The following LMO7 variants were observed in gnomAD, a reference collection of about 807,000 sequenced individuals.
LMO7 encodes LIM domain only protein 7.
Under a neutral mutation model 206.5 loss-of-function variants are expected in LMO7, and 120 were observed. The ratio of observed to expected loss-of-function variants is 0.58; its 90% CI spans 0.50 to 0.68. The LOEUF (loss-of-function observed/expected upper bound fraction) is 0.68, where lower values mean the gene tolerates loss of function less well. Among genes scored for constraint, LMO7 ranks in the 30% least tolerant of loss-of-function variants. LMO7 has a pLI of 0.00. For missense variants in LMO7, 1,959 were observed against 1,957.9 expected (o/e 1.00, Z -0.01); for synonymous variants, 706 against 681.5 (o/e 1.04, Z -0.56).
At chr13:75,856,777 C>T (rs957365127) in intron 30 of LMO7, 169 bp downstream of exon 30, 19 of 550,480 alleles carry the variant, frequency 3.5e-5, no homozygotes, top group Non-Finnish European at 5.3e-5. Context: ...GTGAATGGGT[C>T]ACTGCTCAGG....
chr13:75,782,328 G>A (rs1010897879), intron 4 of LMO7, among the ~76,000 whole-genome samples: 1 of 152,168 alleles, frequency 6.6e-6, no homozygotes, highest in East Asian at 1.9e-4. Flanking sequence ...ATCCTCATAT[G>A]CTGTGAATAG....
chr13:75,684,840 T>C (rs375445825), intron 1 of LMO7, among the ~76,000 whole-genome samples: 1 of 151,258 alleles, frequency 6.6e-6, no homozygotes, highest in Non-Finnish European at 1.5e-5. Context: ...CACACGCACA[T>C]ACACACACAC....
chr13:75,819,527 G>T lies in LMO7; in HGVS notation c.2199G>T (p.Leu733=). Residue 733 remains leucine, a synonymous_variant, in exon 13 of 31, where the codon CTG becomes CTT. Coordinates refer to ENST00000377534, the MANE Select transcript of LMO7 (RefSeq NM_001306080.2). Reference sequence around the variant, plus strand: ...GCTCTAAGACGTTTAAGGAAATGCTGCAGGACAGGTAATAATGCTGAATGC... The same window carrying T: ...GCTCTAAGACGTTTAAGGAAATGCTTCAGGACAGGTAATAATGCTGAATGC... ...KRSSKTFKEM[L]QDRESQNQKS... is the part of the protein sequence containing the mutation. 1.3e-6 allele frequency: 2 copies of T among 1,595,908 alleles called. No individual in the cohort carries two copies. The highest frequency in any genetic ancestry group is 8.5e-7 in the Non-Finnish European group (1 of 1,174,914).
At chr13:75,747,945 G>T (rs757851472) in intron 3 of LMO7, among the ~76,000 whole-genome samples, 1 of 152,076 alleles carries the variant, frequency 6.6e-6, no homozygotes, top group Non-Finnish European at 1.5e-5. Context: ...TCATGTATAG[G>T]GACCAACTAG....
intron 3 of LMO7, among the ~76,000 whole-genome samples, chr13:75,739,795 G>C (rs2046270892): frequency 6.6e-6 from 1 of 152,102 alleles, no homozygotes; most frequent in African/African-American, 2.4e-5. Flanking sequence ...GTTTTGTCCT[G>C]TACTTTTCTA....
intron 5 of LMO7, among the ~76,000 whole-genome samples, chr13:75,795,720 A>G (rs968046458): frequency 6.6e-6 from 1 of 152,168 alleles, no homozygotes; most frequent in Non-Finnish European, 1.5e-5. Flanking sequence ...TGCAAAGGAC[A>G]TGATCTTGTT....
chr13:75,759,614 G>A (rs188399484), intron 3 of LMO7, among the ~76,000 whole-genome samples: 1 of 152,194 alleles, frequency 6.6e-6, no homozygotes, highest in African/African-American at 2.4e-5. Context: ...TTTCAGCTAG[G>A]TAGTTCGCAC....
intron 1 of LMO7, among the ~76,000 whole-genome samples, chr13:75,659,378 C>A (rs1480310842): frequency 6.6e-6 from 1 of 152,124 alleles, no homozygotes; most frequent in African/African-American, 2.4e-5. Context: ...GTGTATTAGT[C>A]TATTTTCATG....
chr13:75,853,814 G>T (rs1240242456), intron 28 of LMO7, among the ~76,000 whole-genome samples: 1 of 152,214 alleles, frequency 6.6e-6, no homozygotes, highest in Non-Finnish European at 1.5e-5. Context: ...CACAGGAACT[G>T]AGTGTAAAAG....
intron 1 of LMO7, among the ~76,000 whole-genome samples, chr13:75,650,603 GA>G (rs1229108854): frequency 3.3e-5 from 5 of 152,216 alleles, no homozygotes; most frequent in South Asian, 4.2e-4. Flanking sequence ...TTGCACTGTC[GA>G]AAACATGGTC....
chr13:75,732,216 G>A (rs889862653), intron 3 of LMO7, among the ~76,000 whole-genome samples: 7 of 152,188 alleles, frequency 4.6e-5, no homozygotes, highest in African/African-American at 1.7e-4. Flanking sequence ...ATCCTGCAGA[G>A]TGTTTTCCAA....
chr13:75,764,352 A>G (rs900637064), intron 4 of LMO7, among the ~76,000 whole-genome samples: 6 of 152,154 alleles, frequency 3.9e-5, no homozygotes, highest in Middle Eastern at 3.2e-3. Context: ...TCCACAAAGA[A>G]AACGTGGTGA....
chr13:75,805,075 T>G, intron 8 of LMO7: 1 of 1,007,482 alleles, frequency 9.9e-7, no homozygotes, highest in Non-Finnish European at 1.2e-6. Context: ...ATCTCGAAAA[T>G]CACCTATCCT....
chr13:75,802,067 T>C (rs1051200231), intron 7 of LMO7, among the ~76,000 whole-genome samples: 1 of 152,206 alleles, frequency 6.6e-6, no homozygotes, highest in African/African-American at 2.4e-5. Context: ...AATACTTCAG[T>C]ATGAACATCA....
At chr13:75,791,943 G>T (rs376169458) in intron 4 of LMO7, among the ~76,000 whole-genome samples, 1 of 151,920 alleles carries the variant, frequency 6.6e-6, no homozygotes, top group East Asian at 1.9e-4. Context: ...TGGGTTCTTT[G>T]TTCTCTTCTC....
In LMO7 at chr13:75,841,984, G is replaced by T. The variant is rs200280534; in HGVS notation, c.4031+1G>T. 1.9e-6 allele frequency: 3 copies of T among 1,604,328 alleles called. No homozygotes were observed. In the Admixed American group the frequency reaches 5.0e-5, roughly 27 times the overall value. ...CAGTCAGAATATACCAGTACAGGAGGTATGTCCCCACAGCCAGAGGGTACA... is the reference window on the plus strand; with the variant it reads ...CAGTCAGAATATACCAGTACAGGAGTTATGTCCCCACAGCCAGAGGGTACA... On this transcript the variant is annotated splice_donor_variant, in intron 24 of 30. Coordinates refer to ENST00000377534, the MANE Select transcript of LMO7 (RefSeq NM_001306080.2). LOFTEE classifies it high-confidence loss of function.
chr13:75,729,085 G>A (rs1326457107), intron 3 of LMO7, among the ~76,000 whole-genome samples: 6 of 151,786 alleles, frequency 4.0e-5, no homozygotes, highest in Non-Finnish European at 8.8e-5. Flanking sequence ...TGTTCTTTTG[G>A]CTTAGGATTG....
intron 3 of LMO7, among the ~76,000 whole-genome samples, chr13:75,742,369 T>C (rs1429229667): frequency 6.6e-6 from 1 of 151,960 alleles, no homozygotes; most frequent in Non-Finnish European, 1.5e-5. Flanking sequence ...TTCACAGAAC[T>C]GGAAAAAAAA....
At chr13:75,686,149 G>A (rs1268534650) in intron 1 of LMO7, among the ~76,000 whole-genome samples, 1 of 151,982 alleles carries the variant, frequency 6.6e-6, no homozygotes, top group Non-Finnish European at 1.5e-5. Context: ...AAAGTGCTGG[G>A]ATTACAGGGG....
Sources: gnomAD v4.1 joint callset for allele counts (sites outside exome capture counted in the v4.1 genomes callset) on GRCh38, gnomAD v4.1.1 for gene constraint, MANE v1.5 for transcripts, NCBI Gene and HGNC (gene_info 2026-07-23, HGNC 2026-07-21) for gene names.